The following FARS2 variants were observed in gnomAD, a reference collection of about 807,000 sequenced individuals.
FARS2 encodes the protein phenylalanine--tRNA ligase, mitochondrial.
A neutral mutation model predicts 46.4 loss-of-function variants in FARS2; 40 were observed. The observed-to-expected ratio is 0.86, with a 90% confidence interval of 0.67 to 1.12. FARS2 has a LOEUF of 1.12. FARS2 is among the 50% of genes most tolerant of loss of function. The pLI is 0.00. For missense variants in FARS2, 513 were observed against 567.9 expected (o/e 0.90, Z 0.98); for synonymous variants, 234 against 214.9 (o/e 1.09, Z -0.78).
intron 6 of FARS2, among the ~76,000 whole-genome samples, chr6:5,690,526 C>G (rs1213098590): frequency 2.0e-5 from 3 of 151,306 alleles, no homozygotes; most frequent in Non-Finnish European, 2.9e-5. Context: ...AATATTGGCC[C>G]CCACTCTCTT....
At chr6:5,345,338 A>G (rs911501558) in intron 1 of FARS2, among the ~76,000 whole-genome samples, 2 of 152,210 alleles carry the variant, frequency 1.3e-5, no homozygotes, top group African/African-American at 4.8e-5. Flanking sequence ...AAAAATCTTA[A>G]AGGCAAGCTG....
intron 1 of FARS2, among the ~76,000 whole-genome samples, chr6:5,296,853 T>G (rs1767930926): frequency 6.6e-6 from 1 of 152,244 alleles, no homozygotes; most frequent in South Asian, 2.1e-4. Context: ...CTTCTACCTT[T>G]CGGCTATTAT....
intron 6 of FARS2, among the ~76,000 whole-genome samples, chr6:5,712,401 T>A (rs1582814624): frequency 6.6e-6 from 1 of 152,306 alleles, no homozygotes; most frequent in East Asian, 1.9e-4. Context: ...GGCCTCCCAG[T>A]CTCTTGCGAG....
chr6:5,645,337 T>C (rs1777024005), intron 6 of FARS2, among the ~76,000 whole-genome samples: 1 of 152,222 alleles, frequency 6.6e-6, no homozygotes, highest in Non-Finnish European at 1.5e-5. Flanking sequence ...TTATTTTAGA[T>C]TTATTCAATT....
chr6:5,590,372 T>A (rs1194356362), intron 5 of FARS2, among the ~76,000 whole-genome samples: 2 of 152,000 alleles, frequency 1.3e-5, no homozygotes, highest in Non-Finnish European at 2.9e-5. Flanking sequence ...TTGCATAGAG[T>A]CTCAGGCACC....
intron 4 of FARS2, among the ~76,000 whole-genome samples, chr6:5,435,475 C>T (rs1763467786): frequency 6.6e-6 from 1 of 152,196 alleles, no homozygotes; most frequent in South Asian, 2.1e-4. Context: ...TGGCTTGTAG[C>T]ATTTTACTTT....
At chr6:5,673,192 G>A (rs1778570302) in intron 6 of FARS2, among the ~76,000 whole-genome samples, 1 of 152,194 alleles carries the variant, frequency 6.6e-6, no homozygotes, top group South Asian at 2.1e-4. Context: ...GAGAAGCACT[G>A]TCTACTTCCC....
intron 1 of FARS2, among the ~76,000 whole-genome samples, chr6:5,338,811 G>A (rs534056185): frequency 1.8e-4 from 27 of 152,340 alleles, no homozygotes; most frequent in African/African-American, 6.0e-4. Context: ...TTGAACGAGT[G>A]AGTGCAGGGC....
chr6:5,729,288 C>T (rs767485641), intron 6 of FARS2, among the ~76,000 whole-genome samples: 19 of 152,156 alleles, frequency 1.2e-4, no homozygotes, highest in Admixed American at 2.6e-4. Flanking sequence ...AATGAGGTGT[C>T]CCCAGAGCAT....
chr6:5,674,025 C>A (rs1367210433), intron 6 of FARS2, among the ~76,000 whole-genome samples: 1 of 151,646 alleles, frequency 6.6e-6, no homozygotes, highest in African/African-American at 2.4e-5. Context: ...TCAGCCCAAC[C>A]AAATACTAGC....
intron 1 of FARS2, chr6:5,291,381 T>C (rs965867839): frequency 2.0e-5 from 3 of 152,182 alleles, no homozygotes; most frequent in Admixed American, 2.0e-4. Flanking sequence ...AAAACAGTTC[T>C]CTGAAGGTGA....
intron 2 of FARS2, among the ~76,000 whole-genome samples, chr6:5,373,572 C>G (rs929593301): frequency 4.6e-5 from 7 of 152,048 alleles, no homozygotes; most frequent in Non-Finnish European, 1.0e-4. Context: ...AAATGTTTAA[C>G]CAATGCTAAG....
At chr6:5,690,944 C>T (rs1757660822) in intron 6 of FARS2, among the ~76,000 whole-genome samples, 1 of 152,176 alleles carries the variant, frequency 6.6e-6, no homozygotes. Flanking sequence ...TCATTTCGTT[C>T]ATTTGATCTT....
chr6:5,539,393 T>TAC (rs1770451202), intron 4 of FARS2, among the ~76,000 whole-genome samples: 1 of 141,342 alleles, frequency 7.1e-6, no homozygotes, highest in Non-Finnish European at 1.5e-5. Flanking sequence ...TGTATATATA[T>TAC]ATATATGTAT....
intron 1 of FARS2, among the ~76,000 whole-genome samples, chr6:5,342,606 G>A (rs1771735647): frequency 6.6e-6 from 1 of 152,054 alleles, no homozygotes; most frequent in Admixed American, 6.5e-5. Context: ...TACAAAATTA[G>A]CCAGGCTTGA....
chr6:5,608,188 G>A (rs1017368170), intron 5 of FARS2, among the ~76,000 whole-genome samples: 6 of 152,270 alleles, frequency 3.9e-5, no homozygotes, highest in Admixed American at 3.3e-4. Flanking sequence ...TGTGATAAAT[G>A]TAAGGGTAAG....
chr6:5,675,199 G>GACACACACACAC (rs3057239), intron 6 of FARS2, among the ~76,000 whole-genome samples: 7 of 145,062 alleles, frequency 4.8e-5, no homozygotes, highest in African/African-American at 1.8e-4. Context: ...TTTGCAGATA[G>GACACACACACAC]ACACACACAC....
At chr6:5,257,992 T>G (rs1764763044), upstream of FARS2, among the ~76,000 whole-genome samples, 1 of 152,108 alleles carries the variant, frequency 6.6e-6, no homozygotes, top group Non-Finnish European at 1.5e-5. Context: ...AAACTTTTGT[T>G]CAGAGAAGGT....
chr6:5,443,818 A>C (rs888095495), intron 4 of FARS2, among the ~76,000 whole-genome samples: 1 of 152,268 alleles, frequency 6.6e-6, no homozygotes, highest in Non-Finnish European at 1.5e-5. Flanking sequence ...TAGAATGCTT[A>C]AGAGTCTCTC....
Sources: gnomAD v4.1 joint callset for allele counts (sites outside exome capture counted in the v4.1 genomes callset) on GRCh38, gnomAD v4.1.1 for gene constraint, MANE v1.5 for transcripts, NCBI Gene and HGNC (gene_info 2026-07-23, HGNC 2026-07-21) for gene names.